Variants in PRKCH observed in about 807,000 individuals in gnomAD.
The protein encoded by PRKCH is protein kinase C eta type.
In PRKCH, 28 loss-of-function variants were observed where a neutral mutation model predicts 82.5. That is an observed-to-expected ratio of 0.34 (90% CI 0.25 to 0.47). The LOEUF (loss-of-function observed/expected upper bound fraction) is 0.47. Among genes scored for constraint, PRKCH ranks in the 20% least tolerant of loss-of-function variants. PRKCH has a pLI of 1.00. For missense variants in PRKCH, 705 were observed against 881.8 expected, an observed-to-expected ratio of 0.80 and a Z score of 2.54; for synonymous variants, 322 against 327.4, an observed-to-expected ratio of 0.98 and a Z score of 0.18.
At chr14:61,447,923 A>G (rs1197552876) in intron 4 of PRKCH, among the ~76,000 whole-genome samples, 2 of 152,214 alleles carry the variant, frequency 1.3e-5, no homozygotes, top group Admixed American at 1.3e-4. Context: ...AAGCGAGCAT[A>G]AGAAAAGAAA....
chr14:61,513,999 C>T (rs1014451674), intron 10 of PRKCH, among the ~76,000 whole-genome samples: 5 of 152,116 alleles, frequency 3.3e-5, no homozygotes, highest in Admixed American at 2.0e-4. Flanking sequence ...TGCTTTCTAA[C>T]TCGAGACAGT....
intron 1 of PRKCH, chr14:61,278,899 T>C (rs888973493): frequency 1.3e-5 from 2 of 151,726 alleles, no homozygotes; most frequent in Non-Finnish European, 2.9e-5. Context: ...TAGAAATCAA[T>C]AGATTTCATT....
intron 2 of PRKCH, among the ~76,000 whole-genome samples, chr14:61,402,673 C>T (rs926518174): frequency 6.6e-6 from 1 of 151,996 alleles, no homozygotes; most frequent in East Asian, 1.9e-4. Flanking sequence ...GTGGTGCGTG[C>T]CTGTAATCCC....
At chr14:61,384,611 A>G (rs143929214) in intron 1 of PRKCH, among the ~76,000 whole-genome samples, 2 of 152,090 alleles carry the variant, frequency 1.3e-5, no homozygotes, top group African/African-American at 2.4e-5. Context: ...GGGGAGGTAT[A>G]GTATTTGAGG....
At chr14:61,226,357 C>A (rs1202730003) in intron 1 of PRKCH, among the ~76,000 whole-genome samples, 1 of 152,166 alleles carries the variant, frequency 6.6e-6, no homozygotes, top group East Asian at 1.9e-4. Flanking sequence ...TTATATTATT[C>A]CTTGGCCACA....
At chr14:61,403,518 C>T (rs1881775605) in intron 2 of PRKCH, among the ~76,000 whole-genome samples, 1 of 152,206 alleles carries the variant, frequency 6.6e-6, no homozygotes, top group Non-Finnish European at 1.5e-5. Context: ...AGCCTGTTCT[C>T]ATAAAAATAA....
At chr14:61,534,717 G>A (rs949570359) in intron 12 of PRKCH, among the ~76,000 whole-genome samples, 3 of 152,034 alleles carry the variant, frequency 2.0e-5, no homozygotes, top group African/African-American at 4.8e-5. Context: ...ATGAGGAAAC[G>A]GGCCCAGAGA....
chr14:61,204,082 A>G (rs2044504261), intron 1 of PRKCH, among the ~76,000 whole-genome samples: 1 of 151,310 alleles, frequency 6.6e-6, no homozygotes, highest in Non-Finnish European at 1.5e-5. Context: ...AATGTTAAAT[A>G]CATTAGTTAA....
intron 1 of PRKCH, among the ~76,000 whole-genome samples, chr14:61,383,732 A>T (rs2046546351): frequency 6.6e-6 from 1 of 152,004 alleles, no homozygotes; most frequent in Admixed American, 6.6e-5. Context: ...CAGGTTTTCC[A>T]AGCAGAGAAC....
intron 2 of PRKCH, among the ~76,000 whole-genome samples, chr14:61,407,614 C>G (rs1882021929): frequency 6.6e-6 from 1 of 152,120 alleles, no homozygotes; most frequent in South Asian, 2.1e-4. Context: ...TCAAATGTGT[C>G]TGGGAGCTGT....
At chr14:61,256,080 A>G (rs576297492) in intron 1 of PRKCH, among the ~76,000 whole-genome samples, 60 of 152,276 alleles carry the variant, frequency 3.9e-4, no homozygotes, top group African/African-American at 1.3e-3. Context: ...GGTTGGTGAC[A>G]ATTTCAAGGT....
chr14:61,305,545 T>G (rs2045480246), intron 1 of PRKCH: 1 of 152,112 alleles, frequency 6.6e-6, no homozygotes, highest in African/African-American at 2.4e-5. Context: ...TTTTCCAATC[T>G]TTTCCTTTCT....
chr14:61,528,973 C>CGTGTGGGT, intron 10 of PRKCH, 102 bp from the exon 11 acceptor site: 1 of 565,718 alleles, frequency 1.8e-6, no homozygotes, highest in Non-Finnish European at 2.6e-6. Context: ...TGTGGCCGCA[C>CGTGTGGGT]GTGTGTGTGT....
At position 61,228,027 on chromosome 14, in the gene PRKCH, A is replaced by G. The variant is rs17093400; in HGVS notation, c.-19+40359A>G. 3.7e-3 allele frequency among the ~76,000 whole-genome samples: 558 copies of G among 152,274 alleles called. 7 individuals are homozygous for G. Among genetic ancestry groups the G allele is most frequent in the African/African-American group, 0.013 (534 of 41,550 alleles). ...ATAAACAAAGGGATTGTCTGCTCCA[A>G]TTTCTGCAGGGAGTATCCATTTACA... On this transcript the variant is annotated intron_variant, in intron 1 of 3. Transcript: ENST00000555185.
chr14:61,527,023 A>ACCCT (rs2042974250), intron 10 of PRKCH, among the ~76,000 whole-genome samples: 3 of 152,156 alleles, frequency 2.0e-5, no homozygotes, highest in African/African-American at 7.2e-5. Context: ...TAGCAATGCC[A>ACCCT]CCCTCCCTCT....
chr14:61,470,491 C>T (rs1885453216), intron 9 of PRKCH, among the ~76,000 whole-genome samples: 1 of 152,150 alleles, frequency 6.6e-6, no homozygotes, highest in Admixed American at 6.5e-5. Context: ...TTTTTCCTTC[C>T]TTCCCCGTAA....
At chr14:61,336,826 T>TG (rs879567074) in intron 1 of PRKCH, among the ~76,000 whole-genome samples, 2 of 152,022 alleles carry the variant, frequency 1.3e-5, no homozygotes, top group Non-Finnish European at 2.9e-5. Flanking sequence ...TCCAGCACTA[T>TG]GGGGGGCTGA....
At position 61,391,271 on chromosome 14, in the gene PRKCH, C is replaced by G. The variant is rs1369996808; in HGVS notation, c.410C>G (p.Thr137Ser). Residue 137 changes from threonine to serine, a missense_variant, in exon 2 of 14, where the codon ACC (threonine) becomes AGC (serine). Thr to Ser is a moderately conservative substitution (Grantham distance 58). Around this residue, in one of 5 missense-constraint regions of PRKCH, gnomAD observed 246 missense variants for 308.0 expected, o/e 0.80. Transcript: ENST00000332981. ...AAAGTATTTGTGGTAATAACCCTTA[C>G]CGGGAGTTTCACTGAAGGTAAGAAT... ...EGKVFVVITL[T>S]GSFTEATLQR... The G allele has an allele frequency of 1.9e-6, 3 of 1,610,044 alleles. No homozygotes were observed. Among genetic ancestry groups the G allele is most frequent in the Non-Finnish European group, 2.5e-6 (3 of 1,178,384 alleles).
At chr14:61,327,004 T>A (rs2045706093) in intron 1 of PRKCH, 1 of 455,546 alleles carries the variant, frequency 2.2e-6, no homozygotes, top group Admixed American at 2.3e-5. Flanking sequence ...TGCAGAGTGC[T>A]GGGGACATGG....
Sources: allele counts gnomAD v4.1 joint callset (sites outside exome capture counted in the v4.1 genomes callset), GRCh38; gene constraint gnomAD v4.1.1; regional missense constraint gnomAD v4.1.1; transcripts MANE v1.5; gene names NCBI Gene and HGNC (gene_info 2026-07-23, HGNC 2026-07-21).